BTN2A1: variants seen among roughly 807,000 people sequenced by gnomAD.
BTN2A1 encodes the protein butyrophilin subfamily 2 member A1, also known as butyrophilin, subfamily 2, member A1.
In BTN2A1, 41 loss-of-function variants were observed where a neutral mutation model predicts 34.5. The observed-to-expected ratio is 1.19, with a 90% CI of 0.93 to 1.54. BTN2A1 has a LOEUF of 1.54. Ranked by LOEUF, BTN2A1 falls within the 40% of genes most tolerant of loss-of-function variation. The pLI is 0.00. For synonymous variants in BTN2A1, 267 were observed against 258.6 expected, an observed-to-expected ratio of 1.03 and a Z score of -0.31; for missense variants, 642 against 662.0, an observed-to-expected ratio of 0.97 and a Z score of 0.33.
rs771993792 is a variant in BTN2A1 at position 26,463,312 on chromosome 6, T to C, written c.499T>C (p.Ser167Pro). 21 of 1,613,734 alleles carry C rather than the reference T, an allele frequency of 1.3e-5. No individual in the cohort carries two copies. The highest frequency in any genetic ancestry group is 1.7e-5 in the Non-Finnish European group (20 of 1,179,906). ...CGGGGGCATCCGGCTGGAGTGCATA[T>C]CTAGAGGGTGGTACCCAAAGCCCCT... ...EDGGIRLECISRGWYPKPLTV... is the reference protein window; with the variant it reads ...EDGGIRLECIPRGWYPKPLTV... The change falls in exon 4 of 8, where the codon TCT becomes CCT. Residue 167 changes from serine (S) to proline (P), a missense_variant. Physicochemically the swap from Ser to Pro is moderately conservative, Grantham distance 74 (BLOSUM62 -1). Transcript: ENST00000312541.
At chr6:26,476,103 G>T (rs192835778) in intron 7 of BTN2A1, 1 of 1,534,054 alleles carries the variant, frequency 6.5e-7, no homozygotes, top group East Asian at 2.4e-5. Flanking sequence ...CTTCTCCTAT[G>T]TCTCCTTTTG....
At chr6:26,473,930 C>T (rs1408278293), downstream of BTN2A1, among the ~76,000 whole-genome samples, 1 of 152,166 alleles carries the variant, frequency 6.6e-6, no homozygotes, top group Non-Finnish European at 1.5e-5. Context: ...AGAAATGGTA[C>T]CTCTGAGCCA....
chr6:26,459,877 G>A, intron 3 of BTN2A1, 49 bp downstream of exon 3: 1 of 1,546,222 alleles, frequency 6.5e-7, no homozygotes, highest in Non-Finnish European at 8.8e-7. Context: ...GTGACTTTGG[G>A]GAAAGTTTCT....
At chr6:26,459,942 C>CCAAAGGGAGATTCCACAGGGA in intron 3 of BTN2A1, 114 bp downstream of exon 3, 2 of 961,420 alleles carry the variant, frequency 2.1e-6, no homozygotes, top group Non-Finnish European at 3.0e-6. Context: ...ACTCCCTTTT[C>CCAAAGGGAGATTCCACAGGGA]CACTCTCCCT....
In BTN2A1 at chr6:26,468,367, G is replaced by A. The variant is rs746278743; in HGVS notation, c.1402G>A (p.Asp468Asn). 13 of 1,614,198 alleles carry A rather than the reference G, an allele frequency of 8.1e-6. No individual in the cohort carries two copies. The highest frequency in any genetic ancestry group is 2.2e-5 in the East Asian group (1 of 44,876). The part of the protein sequence containing the change: ...AGDVSFYNMR[D>N]RSHIYTCPRS... Reference sequence around the variant, plus strand: ...AGATGTCTCCTTCTACAACATGAGGGACAGATCGCACATCTACACATGTCC... The same window carrying A: ...AGATGTCTCCTTCTACAACATGAGGAACAGATCGCACATCTACACATGTCC... Residue 468 changes from aspartate (D) to asparagine (N), a missense_variant, in exon 8 of 8, where the codon GAC becomes AAC. Transcript: ENST00000312541.
intron 4 of BTN2A1, among the ~76,000 whole-genome samples, chr6:26,464,739 AAC>A (rs1359635538): frequency 1.3e-5 from 2 of 152,252 alleles, no homozygotes; most frequent in Admixed American, 1.3e-4. Flanking sequence ...GTAAGCCACA[AAC>A]AGTCTTTGGT....
rs916729138 is a variant in BTN2A1, at chr6:26,468,509, G to A, written c.1544G>A (p.Gly515Asp). The A allele has an allele frequency of 2.5e-6, 4 of 1,614,132 alleles. No homozygotes were observed. The highest frequency in any genetic ancestry group is 2.2e-5 in the South Asian group (2 of 91,080). The change falls in exon 8 of 8, where the codon GGC (glycine) becomes GAC (aspartate). Residue 515 changes from glycine to aspartate, a missense_variant. Coordinates refer to ENST00000312541, the MANE Select transcript of BTN2A1 (RefSeq NM_007049.5). ...GANGVTVPEE[G>D]LTLHRVGTHQ... Reference sequence around the variant, plus strand: ...AATGGGGTCACGGTGCCTGAAGAGGGCCTGACACTTCACAGAGTGGGGACC... The same window carrying A: ...AATGGGGTCACGGTGCCTGAAGAGGACCTGACACTTCACAGAGTGGGGACC...
At chr6:26,475,466 G>A (rs1763521326) in intron 7 of BTN2A1, among the ~76,000 whole-genome samples, 1 of 152,170 alleles carries the variant, frequency 6.6e-6, no homozygotes, top group African/African-American at 2.4e-5. Flanking sequence ...ATGTATATAT[G>A]AATATGCAAT....
chr6:26,463,558 G>A, intron 4 of BTN2A1, 33 bp downstream of exon 4: 1 of 1,594,310 alleles, frequency 6.3e-7, no homozygotes, highest in Non-Finnish European at 8.6e-7. Context: ...CTCGTCGAGT[G>A]CATGGGGGAT....
In BTN2A1 at chr6:26,468,763, G is replaced by A; in HGVS notation, c.*214G>A. The A allele has an allele frequency of 6.2e-7, 1 of 1,607,480 alleles. No homozygotes were observed. Among genetic ancestry groups the A allele is most frequent in the Middle Eastern group, 1.7e-4 (1 of 6,034 alleles). On this transcript the variant is annotated 3_prime_UTR_variant, in exon 8 of 8. Transcript: ENST00000312541. The stretch of plus-strand genomic sequence containing the variant: ...TAGTAGTTCCTTTGCTTGTAACTAT[G>A]GGATGGGATCCAGGCATAGGGAACT...
chr6:26,467,821 C>G, intron 7 of BTN2A1, 127 bp from the exon 8 acceptor site: 1 of 1,556,686 alleles, frequency 6.4e-7, no homozygotes, highest in Non-Finnish European at 8.7e-7. Flanking sequence ...GATCAGAGAG[C>G]CTTCATGGAA....
chr6:26,463,014 C>G lies in BTN2A1; in HGVS notation c.431-230C>G, dbSNP rs956403093. The G allele has an allele frequency of 4.2e-6, 4 of 960,614 alleles. No individual in the cohort carries two copies. The African/African-American group carries it at 6.6e-5, about 16-fold the overall frequency. The allele number at this position is 960,614 out of a possible 1,614,324, so 59.5% of individuals were successfully genotyped here. A position where few individuals can be genotyped will look rare whatever the true frequency, so the allele number is the denominator to read the frequency against. Reference sequence around the variant, plus strand: ...GCAAAGAAAAGGGTGCAATGGGATCCTTTCCTCTTAGAGAGCTCACAGTTT... The same window carrying G: ...GCAAAGAAAAGGGTGCAATGGGATCGTTTCCTCTTAGAGAGCTCACAGTTT... On this transcript the variant is annotated intron_variant, in intron 3 of 7. Coordinates refer to ENST00000312541, the MANE Select transcript of BTN2A1 (RefSeq NM_007049.5).
intron 2 of BTN2A1, 143 bp from the exon 3 acceptor site, chr6:26,459,338 C>T: frequency 2.2e-6 from 2 of 897,956 alleles, no homozygotes; most frequent in African/African-American, 1.7e-5. Flanking sequence ...CTAGCCACAG[C>T]TACTGGTCCC....
At position 26,468,275 on chromosome 6, in the gene BTN2A1, CT is replaced by C. The variant is rs749017975; in HGVS notation, c.1311del (p.Asp438IlefsTer6). Reference protein sequence around the residue: ...HKGQYRAVSSPDRILPLKESL... With the variant: ...HKGQYRAVSSXDRILPLKESL... ...GGGCAATACCGGGCCGTGTCCTCCC[CT>C]GATAGGATTCTCCCTTTGAAGGAGT... On this transcript the variant is annotated frameshift_variant, in exon 8 of 8. Transcript: ENST00000312541. LOFTEE classifies it low-confidence loss of function (END_TRUNC). 1.3e-4 allele frequency: 217 copies of C among 1,614,212 alleles called. 1 individual carries two copies. The East Asian group carries it at 2.4e-3, about 18-fold the overall frequency.
chr6:26,465,345 A>C lies in BTN2A1; in HGVS notation c.873A>C (p.Glu291Asp). Reference sequence around the variant, plus strand: ...AGGAGTTTGAACGGGAAACAAGAGAAATTGCTCTAAAGGAACTGGAGAAAG... The same window carrying C: ...AGGAGTTTGAACGGGAAACAAGAGACATTGCTCTAAAGGAACTGGAGAAAG... ...GEKEFERETR[E>D]IALKELEKER... The change falls in exon 5 of 8, where the codon GAA (glutamate) becomes GAC (aspartate). Residue 291 changes from glutamate (E) to aspartate (D), a missense_variant. Transcript: ENST00000312541. 2 of 1,614,162 alleles carry C rather than the reference A, an allele frequency of 1.2e-6. No homozygotes were observed. Among genetic ancestry groups the C allele is most frequent in the Non-Finnish European group, 1.7e-6 (2 of 1,180,032 alleles).
intron 7 of BTN2A1, chr6:26,476,099 C>T: frequency 6.5e-7 from 1 of 1,533,252 alleles, no homozygotes; most frequent in South Asian, 1.2e-5. Flanking sequence ...CTCCCTTCTC[C>T]TATGTCTCCT....
intron 7 of BTN2A1, among the ~76,000 whole-genome samples, chr6:26,474,898 G>A (rs991915426): frequency 2.0e-5 from 3 of 151,758 alleles, no homozygotes; most frequent in African/African-American, 4.8e-5. Context: ...ACAGGCATAC[G>A]CCACCACACC....
intron 3 of BTN2A1, among the ~76,000 whole-genome samples, 197 bp downstream of exon 3, chr6:26,460,025 C>T (rs186806076): frequency 3.3e-5 from 5 of 152,098 alleles, no homozygotes; most frequent in African/African-American, 1.2e-4. Context: ...CCCTGCTAAG[C>T]TAAGGGCTTC....
At position 26,469,099 on chromosome 6, in the gene BTN2A1, T is replaced by C; in HGVS notation, c.*550T>C. The C allele has an allele frequency of 9.1e-7, 1 of 1,098,518 alleles. No homozygotes were observed. Among genetic ancestry groups the C allele is most frequent in the Non-Finnish European group, 1.1e-6 (1 of 895,942 alleles). 68.0% of individuals were successfully genotyped at this position (1,098,518 alleles called of 1,614,324 possible). A position where few individuals can be genotyped will look rare whatever the true frequency, so the allele number is the denominator to read the frequency against. ...ACAGCTAAGGGGACCTGGGAGATGA[T>C]GGCTCATTTCCACCCAGCCCCAGGA... On this transcript the variant is annotated 3_prime_UTR_variant, in exon 8 of 8. Coordinates refer to ENST00000312541, the MANE Select transcript of BTN2A1 (RefSeq NM_007049.5).
Sources: gnomAD v4.1 joint callset for allele counts (sites outside exome capture counted in the v4.1 genomes callset) on GRCh38, gnomAD v4.1.1 for gene constraint, MANE v1.5 for transcripts, NCBI Gene and HGNC (gene_info 2026-07-23, HGNC 2026-07-21) for gene names.